ZNRF1: variants seen among roughly 807,000 people sequenced by gnomAD.
The protein encoded by ZNRF1 is E3 ubiquitin-protein ligase ZNRF1.
Under a neutral mutation model 18.4 loss-of-function variants are expected in ZNRF1, and 3 were observed. The observed-to-expected ratio is 0.16, with a 90% confidence interval of 0.07 to 0.42. ZNRF1 has a LOEUF of 0.42. Among genes scored for constraint, ZNRF1 ranks in the 10% least tolerant of loss-of-function variants. The pLI is 0.99. For synonymous variants in ZNRF1, 157 were observed against 144.2 expected (o/e 1.09, Z -0.64); for missense variants, 310 against 329.8 (o/e 0.94, Z 0.47).
Position 75,087,139 on chromosome 16 carries a change from A to T in ZNRF1, c.425-6433A>T, listed in dbSNP as rs1479289531. ...TGTAGTGGATTGGGAGAGTTCTTGT[A>T]GCTTGAACCAGTTGCCCCCATCCTT... On this transcript the variant is annotated intron_variant, in intron 1 of 4. Transcript: ENST00000335325. Among the ~76,000 whole-genome samples the T allele has an allele frequency of 6.6e-5, 10 of 152,236 alleles. No homozygotes were observed. In the East Asian group the frequency reaches 1.9e-3, roughly 29 times the overall value.
chr16:75,088,029 T>C (rs1378581668), intron 1 of ZNRF1, among the ~76,000 whole-genome samples: 1 of 152,240 alleles, frequency 6.6e-6, no homozygotes, highest in African/African-American at 2.4e-5. Flanking sequence ...TTTGACAAAA[T>C]CATGCAGGCC....
chr16:75,088,110 C>G (rs2036094817), intron 1 of ZNRF1, among the ~76,000 whole-genome samples: 1 of 152,124 alleles, frequency 6.6e-6, no homozygotes, highest in South Asian at 2.1e-4. Flanking sequence ...GAGCTTTTTT[C>G]CAAAATGGAA....
intron 1 of ZNRF1, among the ~76,000 whole-genome samples, chr16:75,046,165 A>G (rs957538424): frequency 6.6e-6 from 1 of 151,934 alleles, no homozygotes; most frequent in African/African-American, 2.4e-5. Context: ...CGGCCTCCCA[A>G]AGTGCTGGTA....
At chr16:75,051,343 G>A (rs1273625971) in intron 1 of ZNRF1, among the ~76,000 whole-genome samples, 1 of 150,430 alleles carries the variant, frequency 6.6e-6, no homozygotes, top group Non-Finnish European at 1.5e-5. Flanking sequence ...GAGTAGCTGG[G>A]ATTACAGGTG....
At chr16:75,049,845 T>TTGTGTGTGTGGGTG (rs2035568379) in intron 1 of ZNRF1, among the ~76,000 whole-genome samples, 1 of 149,276 alleles carries the variant, frequency 6.7e-6, no homozygotes, top group African/African-American at 2.5e-5. Flanking sequence ...ATGCACCCAT[T>TTGTGTGTGTGGGTG]TGTGTGTGTG....
intron 1 of ZNRF1, among the ~76,000 whole-genome samples, chr16:75,025,778 T>C (rs2035214501): frequency 6.6e-6 from 1 of 152,112 alleles, no homozygotes. Flanking sequence ...TTTTTCTTTC[T>C]GATGGGATGA....
At chr16:75,073,735 C>T (rs1360270865) in intron 1 of ZNRF1, among the ~76,000 whole-genome samples, 1 of 151,994 alleles carries the variant, frequency 6.6e-6, no homozygotes. Flanking sequence ...TCTGCGGGGA[C>T]CTTGCCCGTT....
At chr16:75,104,273 A>G (rs2036287283) in intron 2 of ZNRF1, 2 of 152,622 alleles carry the variant, frequency 1.3e-5, no homozygotes, top group Admixed American at 6.5e-5. Context: ...GTTTGTAGAC[A>G]CTGGGTTGTT....
chr16:75,075,533 C>T (rs2035929047), intron 1 of ZNRF1, among the ~76,000 whole-genome samples: 1 of 152,234 alleles, frequency 6.6e-6, no homozygotes, highest in South Asian at 2.1e-4. Flanking sequence ...AGACAGCAGG[C>T]TGACTGCCCT....
intron 1 of ZNRF1, among the ~76,000 whole-genome samples, chr16:75,003,699 G>T (rs2034882456): frequency 6.6e-6 from 1 of 152,192 alleles, no homozygotes; most frequent in Non-Finnish European, 1.5e-5. Context: ...TGGCCTACGA[G>T]TCAGAGTGCT....
rs182332244 is a variant in ZNRF1, at chr16:75,004,920, G to A, written c.424+4825G>A. On this transcript the variant is annotated intron_variant, in intron 1 of 4. Transcript: ENST00000335325. Reference sequence around the variant, plus strand: ...CATAAGCCACCACGCCTGGCCCAACGTGGCTTTTAATAAGTCTTTGAACAT... The same window carrying A: ...CATAAGCCACCACGCCTGGCCCAACATGGCTTTTAATAAGTCTTTGAACAT... Among the ~76,000 whole-genome samples, 6 of 152,294 alleles carry A rather than the reference G, an allele frequency of 3.9e-5. No homozygotes were observed. In the East Asian group the frequency reaches 5.8e-4, roughly 15 times the overall value.
At position 75,108,463 on chromosome 16, in the gene ZNRF1, T is replaced by TA. The variant is rs1289830023; in HGVS notation, c.*766dup. 5.0e-6 allele frequency: 2 copies of TA among 397,328 alleles called. No individual in the cohort carries two copies. Among genetic ancestry groups the TA allele is most frequent in the Non-Finnish European group, 4.4e-6 (1 of 225,522 alleles). The allele number at this position is 397,328 out of a possible 1,614,324, so 24.6% of individuals were successfully genotyped here. ...CGTGGATTTTTTTTTTCAGAAAACT[T>TA]AAACAAAAAAAGACTTACTAAGAAA... On this transcript the variant is annotated 3_prime_UTR_variant, in exon 5 of 5. Transcript: ENST00000335325.
chr16:75,098,455 G>A (rs1290012080), intron 2 of ZNRF1, among the ~76,000 whole-genome samples: 1 of 152,152 alleles, frequency 6.6e-6, no homozygotes. Flanking sequence ...GCAGTTGGAT[G>A]GGCCGCTGCT....
At chr16:75,085,819 T>C (rs7189327) in intron 1 of ZNRF1, among the ~76,000 whole-genome samples, 1 of 56,038 alleles carries the variant, frequency 1.8e-5, no homozygotes, top group Non-Finnish European at 4.0e-5. Flanking sequence ...AGAGAGAGAG[T>C]GAGTGTGTGT....
At chr16:75,035,964 A>G (rs898926510) in intron 1 of ZNRF1, among the ~76,000 whole-genome samples, 24 of 152,146 alleles carry the variant, frequency 1.6e-4, no homozygotes, top group African/African-American at 5.3e-4. Flanking sequence ...AGCTTTTTCT[A>G]TCTACTGGGA....
chr16:75,058,927 T>C (rs943912742), intron 1 of ZNRF1, among the ~76,000 whole-genome samples: 3 of 152,168 alleles, frequency 2.0e-5, no homozygotes, highest in African/African-American at 7.2e-5. Context: ...TGCTGCCAAA[T>C]GTTACCCTTC....
chr16:75,099,765 C>T (rs1404498266), intron 2 of ZNRF1, among the ~76,000 whole-genome samples: 1 of 152,194 alleles, frequency 6.6e-6, no homozygotes, highest in Admixed American at 6.5e-5. Flanking sequence ...GGGTTTTGTG[C>T]TGCGAGGCCC....
Position 75,109,142 on chromosome 16 carries a change from TGAGGCCCAGGAA to T in ZNRF1, c.*1450_*1461del, listed in dbSNP as rs2036351342. On this transcript the variant is annotated 3_prime_UTR_variant, in exon 5 of 5. Coordinates refer to ENST00000335325, the MANE Select transcript of ZNRF1 (RefSeq NM_032268.5). ...GTGCTGACTCACGGGCATGCTTCAT[TGAGGCCCAGGAA>T]GAGGCCCTGGTTTGGGGCTGTGCCA... 6.6e-6 allele frequency: 1 copy of T among 152,334 alleles called. No homozygotes were observed. Among genetic ancestry groups the T allele is most frequent in the African/African-American group, 2.4e-5 (1 of 41,458 alleles). 9.4% of individuals were successfully genotyped at this position (152,334 alleles called of 1,614,324 possible). A position where few individuals can be genotyped will look rare whatever the true frequency, so the allele number is the denominator to read the frequency against.
At chr16:75,030,749 C>G in intron 1 of ZNRF1, among the ~76,000 whole-genome samples, 1 of 151,690 alleles carries the variant, frequency 6.6e-6, no homozygotes, top group Non-Finnish European at 1.5e-5. Flanking sequence ...TAATATATAA[C>G]GCATAGCTTT....
Sources: allele counts gnomAD v4.1 joint callset (sites outside exome capture counted in the v4.1 genomes callset), GRCh38; gene constraint gnomAD v4.1.1; transcripts MANE v1.5; gene names NCBI Gene and HGNC (gene_info 2026-07-23, HGNC 2026-07-21).